The following CHAF1A variants were observed in gnomAD, a reference collection of about 807,000 sequenced individuals.
CHAF1A encodes the protein chromatin assembly factor 1 subunit A, also known as CAF-1 subunit A.
CHAF1A carries 5 observed loss-of-function variants against 93.2 expected under a neutral mutation model. That is an observed-to-expected ratio of 0.05 (90% CI 0.03 to 0.11). The LOEUF is 0.11. Ranked by LOEUF, CHAF1A falls within the 10% of genes least tolerant of loss-of-function variation. The pLI, the probability that CHAF1A is intolerant of heterozygous loss-of-function variation, is 1.00. For synonymous variants in CHAF1A, 504 were observed against 510.3 expected, an observed-to-expected ratio of 0.99 and a Z score of 0.17; for missense variants, 1,102 against 1,259.9, an observed-to-expected ratio of 0.87 and a Z score of 1.90.
intron 3 of CHAF1A, 102 bp from the exon 4 acceptor site, chr19:4,417,918 T>C (rs1382813272): frequency 6.9e-6 from 5 of 727,678 alleles, no homozygotes; most frequent in Non-Finnish European, 1.2e-5. Flanking sequence ...TTATGACATT[T>C]TGGTTCTGTT....
In CHAF1A at chr19:4,408,817, T is replaced by C. The variant is rs1022878838; in HGVS notation, c.104-86T>C. 4.7e-6 allele frequency: 7 copies of C among 1,480,780 alleles called. No homozygotes were observed. In the African/African-American group the frequency reaches 8.5e-5, roughly 18 times the overall value. The allele number at this position is 1,480,780 out of a possible 1,614,324, so 91.7% of individuals were successfully genotyped here. A position where few individuals can be genotyped will look rare whatever the true frequency, so the allele number is the denominator to read the frequency against. On this transcript the variant is annotated intron_variant, in intron 2 of 14. Coordinates refer to ENST00000301280, the MANE Select transcript of CHAF1A (RefSeq NM_005483.3). ...ACTTTAAAATTATCTCCCACCCCCA[T>C]GTCCCAACAAATCAGTAATTTTCAA...
At chr19:4,446,249 C>T (rs780161784), downstream of CHAF1A, 24 of 1,570,414 alleles carry the variant, frequency 1.5e-5, no homozygotes, top group East Asian at 9.2e-5. Flanking sequence ...CCTACCAACC[C>T]GAGCCGCCCT....
chr19:4,422,258 C>G lies in CHAF1A; in HGVS notation c.1018-308C>G, dbSNP rs1183186454. ...CGAACTCCTGACCTCAGGTGATCCACTTGCCTCGGCCTCCCAAAGTGCTGG... is the reference window on the plus strand; with the variant it reads ...CGAACTCCTGACCTCAGGTGATCCAGTTGCCTCGGCCTCCCAAAGTGCTGG... On this transcript the variant is annotated intron_variant, in intron 4 of 14. Transcript: ENST00000301280. This position sits in a 1 kb window ranked among gnomAD's most constrained non-coding sequence, Gnocchi z 4.6. Among the ~76,000 whole-genome samples, 1 of 152,128 alleles carries G rather than the reference C, an allele frequency of 6.6e-6. No homozygotes were observed. Among genetic ancestry groups the G allele is most frequent in the African/African-American group, 2.4e-5 (1 of 41,426 alleles).
At chr19:4,402,894 C>A (rs969749995) in intron 1 of CHAF1A, 80 bp downstream of exon 1, 45 of 865,974 alleles carry the variant, frequency 5.2e-5, no homozygotes, top group Non-Finnish European at 6.6e-5. Flanking sequence ...GGGAGGCGGA[C>A]GGGCCTCCGG....
intron 3 of CHAF1A, among the ~76,000 whole-genome samples, chr19:4,411,948 T>G (rs1307969914): frequency 6.6e-6 from 1 of 152,000 alleles, no homozygotes; most frequent in Non-Finnish European, 1.5e-5. Context: ...CGCCCCAGTC[T>G]TCTACTTTGT....
intron 13 of CHAF1A, among the ~76,000 whole-genome samples, chr19:4,441,056 G>A (rs1224221057): frequency 6.6e-6 from 1 of 150,674 alleles, no homozygotes; most frequent in Middle Eastern, 3.5e-3. Flanking sequence ...AGTGGCTCAC[G>A]CCTGTAATCC....
At chr19:4,427,882 C>T (rs1365830024) in intron 7 of CHAF1A, among the ~76,000 whole-genome samples, 1 of 152,240 alleles carries the variant, frequency 6.6e-6, no homozygotes, top group Non-Finnish European at 1.5e-5. Flanking sequence ...GCCACCGCGC[C>T]TGGCCTAATT....
intron 13 of CHAF1A, among the ~76,000 whole-genome samples, chr19:4,437,803 G>A (rs555456787): frequency 6.6e-6 from 1 of 151,954 alleles, no homozygotes; most frequent in East Asian, 1.9e-4. Flanking sequence ...GCAGTGGTGC[G>A]ATCTCAGCTC....
intron 3 of CHAF1A, among the ~76,000 whole-genome samples, chr19:4,411,015 A>G (rs1423144807): frequency 1.3e-5 from 2 of 152,158 alleles, no homozygotes; most frequent in East Asian, 1.9e-4. Flanking sequence ...ATAATTTTTT[A>G]CTTTTTATCT....
At chr19:4,430,664 C>T (rs1974165516) in intron 11 of CHAF1A, 23 bp downstream of exon 11, 1 of 1,612,638 alleles carries the variant, frequency 6.2e-7, no homozygotes. Flanking sequence ...AGGGGGAGGT[C>T]ACCGGCTCAG....
At chr19:4,418,114 G>C (rs764628663) in intron 4 of CHAF1A, 38 bp downstream of exon 4, 1 of 1,432,454 alleles carries the variant, frequency 7.0e-7, no homozygotes, top group South Asian at 1.2e-5. Flanking sequence ...TTAACCTGCT[G>C]TGCTTTTTGC....
intron 3 of CHAF1A, among the ~76,000 whole-genome samples, chr19:4,416,375 G>A (rs912285703): frequency 2.0e-5 from 3 of 152,136 alleles, no homozygotes; most frequent in Non-Finnish European, 2.9e-5. Context: ...TCCCTGCCCC[G>A]GTGGGAGATA....
chr19:4,432,146 C>G lies in CHAF1A; in HGVS notation c.2142C>G (p.Thr714=), dbSNP rs375611651. The stretch of plus-strand genomic sequence containing the variant: ...AGTTCGCAGCCTGCTTCCTGGAGAC[C>G]CTGCCGGCCCAGGAGGAGCAGACGC... The part of the protein sequence containing the change: ...LQQFAACFLE[T]LPAQEEQTPK... The change falls in exon 12 of 15, where the codon ACC becomes ACG. Residue 714 remains threonine (T), a synonymous_variant. Transcript: ENST00000301280. 8.3e-5 allele frequency: 134 copies of G among 1,612,840 alleles called. No individual in the cohort carries two copies. The highest frequency in any genetic ancestry group is 1.1e-4 in the Non-Finnish European group (130 of 1,179,772).
At position 4,422,557 on chromosome 19, in the gene CHAF1A, G is replaced by A; in HGVS notation, c.1018-9G>A. The A allele has an allele frequency of 1.3e-6, 2 of 1,559,866 alleles. No homozygotes were observed. Among genetic ancestry groups the A allele is most frequent in the Non-Finnish European group, 1.7e-6 (2 of 1,151,450 alleles). Reference sequence around the variant, plus strand: ...AGGGCCACCTGTCACTTGCCACACTGTCTTGTAGGATCAGGAGCGTCTGGG... The same window carrying A: ...AGGGCCACCTGTCACTTGCCACACTATCTTGTAGGATCAGGAGCGTCTGGG... On this transcript the variant is annotated splice_polypyrimidine_tract_variant and intron_variant, in intron 4 of 14. Coordinates refer to ENST00000301280, the MANE Select transcript of CHAF1A (RefSeq NM_005483.3). This position sits in a 1 kb window ranked among gnomAD's most constrained non-coding sequence, Gnocchi z 4.6.
At chr19:4,445,230 A>C, downstream of CHAF1A, 1 of 448,438 alleles carries the variant, frequency 2.2e-6, no homozygotes, top group Non-Finnish European at 4.1e-6. Context: ...GCTTCATGAC[A>C]CAGTTACCAA....
At position 4,429,420 on chromosome 19, in the gene CHAF1A, TG is replaced by T; in HGVS notation, c.1605-14del. ...CTGTAAGGCAGCGTGATCCTGAGCC[TG>T]GGGTTTTCCTTCTCAGTGATGTCGT... is the stretch of plus-strand genomic sequence containing the variant. On this transcript the variant is annotated splice_polypyrimidine_tract_variant and intron_variant, in intron 8 of 14. Coordinates refer to ENST00000301280, the MANE Select transcript of CHAF1A (RefSeq NM_005483.3). 2 of 1,612,038 alleles carry T rather than the reference TG, an allele frequency of 1.2e-6. No individual in the cohort carries two copies. The highest frequency in any genetic ancestry group is 1.7e-6 in the Non-Finnish European group (2 of 1,179,054).
chr19:4,441,235 T>C (rs1243211037), intron 13 of CHAF1A, among the ~76,000 whole-genome samples: 1 of 151,998 alleles, frequency 6.6e-6, no homozygotes, highest in Admixed American at 6.6e-5. Context: ...GAGAATCACT[T>C]GAACCTGGGA....
chr19:4,405,418 G>T (rs1018773268), intron 1 of CHAF1A, among the ~76,000 whole-genome samples: 1 of 152,076 alleles, frequency 6.6e-6, no homozygotes, highest in African/African-American at 2.4e-5. Flanking sequence ...GACCATTCTG[G>T]CTAACATGGT....
At chr19:4,411,642 A>ATGTTTTTTTTTTTT (rs1202069647) in intron 3 of CHAF1A, among the ~76,000 whole-genome samples, 1 of 38,066 alleles carries the variant, frequency 2.6e-5, no homozygotes, top group African/African-American at 9.4e-5. Context: ...AATGGTGCAA[A>ATGTTTTTTTTTTTT]TCTTTTTTTT....
Sources: allele counts gnomAD v4.1 joint callset (sites outside exome capture counted in the v4.1 genomes callset), GRCh38; gene constraint gnomAD v4.1.1; non-coding constraint Gnocchi (gnomAD v3.1); transcripts MANE v1.5; gene names NCBI Gene and HGNC (gene_info 2026-07-23, HGNC 2026-07-21).